The following IL17D variants were observed in gnomAD, a reference collection of about 807,000 sequenced individuals.
IL17D encodes interleukin-17D.
IL17D carries 10 observed loss-of-function variants against 5.7 expected under a neutral mutation model. The observed-to-expected ratio is 1.75, with a 90% CI of 1.08 to 2.97. The LOEUF is 2.97. Ranked by LOEUF, IL17D falls within the 30% of genes most tolerant of loss-of-function variation. The pLI, the probability that IL17D is intolerant of heterozygous loss-of-function variation, is 0.00. For synonymous variants in IL17D, 172 were observed against 141.7 expected (o/e 1.21, Z -1.52); for missense variants, 354 against 292.7 (o/e 1.21, Z -1.53).
chr13:20,718,724 A>C (rs1334000863), intron 1 of IL17D, among the ~76,000 whole-genome samples: 1 of 106,102 alleles, frequency 9.4e-6, no homozygotes, highest in African/African-American at 3.4e-5. Flanking sequence ...GCCCACTTAC[A>C]CACATGGCTA....
rs1761802483 is a variant in IL17D at position 20,722,863 on chromosome 13, A to C, written c.*909A>C. On this transcript the variant is annotated 3_prime_UTR_variant, in exon 2 of 2. Coordinates refer to ENST00000682841, the MANE Select transcript of IL17D (RefSeq NM_001385224.1). ...CGTGACATCTTTGCCAGTTGTCAGA[A>C]GAATCCAAGCAGGTATTGGCTTAGT... is the stretch of plus-strand genomic sequence containing the variant. 1 of 152,368 alleles carries C rather than the reference A, an allele frequency of 6.6e-6. No individual in the cohort carries two copies. The highest frequency in any genetic ancestry group is 3.4e-3 in the Middle Eastern group (1 of 294). 9.4% of individuals were successfully genotyped at this position (152,368 alleles called of 1,614,324 possible).
rs1352020478 is a variant in IL17D at position 20,704,130 on chromosome 13, C to T, written c.129C>T (p.Tyr43=). The T allele has an allele frequency of 6.8e-6, 9 of 1,327,382 alleles. No individual in the cohort carries two copies. The African/African-American group carries it at 1.4e-4, about 21-fold the overall frequency. The allele number at this position is 1,327,382 out of a possible 1,614,324, so 82.2% of individuals were successfully genotyped here. Reference sequence around the variant, plus strand: ...CGGAGGAGCTACTGGAGCAGCTGTACGGGCGCCTGGCGGCCGGCGTGCTCA... The same window carrying T: ...CGGAGGAGCTACTGGAGCAGCTGTATGGGCGCCTGGCGGCCGGCGTGCTCA... ...DRPEELLEQL[Y]GRLAAGVLSA... is the part of the protein sequence containing the mutation. Residue 43 remains tyrosine (Y), a synonymous_variant, in exon 1 of 2, where the codon TAC becomes TAT. Coordinates refer to ENST00000682841, the MANE Select transcript of IL17D (RefSeq NM_001385224.1).
intron 1 of IL17D, among the ~76,000 whole-genome samples, chr13:20,721,113 C>T (rs1292716782): frequency 6.6e-6 from 1 of 152,170 alleles, no homozygotes; most frequent in Admixed American, 6.5e-5. Context: ...AGCTCTTGTC[C>T]TTCACTCCCG....
At chr13:20,705,087 C>T (rs2058580981) in intron 1 of IL17D, among the ~76,000 whole-genome samples, 1 of 151,996 alleles carries the variant, frequency 6.6e-6, no homozygotes, top group South Asian at 2.1e-4. Flanking sequence ...GCCGCAGTGT[C>T]CTCAGCAGGC....
chr13:20,720,233 G>A (rs1357531025), intron 1 of IL17D, among the ~76,000 whole-genome samples: 2 of 152,018 alleles, frequency 1.3e-5, no homozygotes, highest in African/African-American at 2.4e-5. Flanking sequence ...ATGTGCCCCC[G>A]GAGACTATCA....
At chr13:20,709,663 G>A (rs1440238764) in intron 1 of IL17D, among the ~76,000 whole-genome samples, 3 of 150,994 alleles carry the variant, frequency 2.0e-5, no homozygotes, top group African/African-American at 4.9e-5. Context: ...TCTGGAGGCT[G>A]GAGTTGGGGA....
chr13:20,703,786 G>C lies in IL17D; in HGVS notation c.-216G>C, dbSNP rs969260340. 2 of 148,402 alleles carry C rather than the reference G, an allele frequency of 1.3e-5. No homozygotes were observed. The highest frequency in any genetic ancestry group is 4.9e-5 in the African/African-American group (2 of 40,646). The allele number at this position is 148,402 out of a possible 1,614,324, so 9.2% of individuals were successfully genotyped here. A position where few individuals can be genotyped will look rare whatever the true frequency, so the allele number is the denominator to read the frequency against. On this transcript the variant is annotated 5_prime_UTR_variant, in exon 1 of 2. Coordinates refer to ENST00000682841, the MANE Select transcript of IL17D (RefSeq NM_001385224.1). Reference sequence around the variant, plus strand: ...CCGGGGGCGCGCGGGCCGGCGCCGGGCTGGGCCCCGGGGACCCCGCGGGCG... The same window carrying C: ...CCGGGGGCGCGCGGGCCGGCGCCGGCCTGGGCCCCGGGGACCCCGCGGGCG...
chr13:20,713,464 C>T (rs931656833), intron 1 of IL17D: 1 of 152,230 alleles, frequency 6.6e-6, no homozygotes, highest in African/African-American at 2.4e-5. Flanking sequence ...GGCTCTACTG[C>T]ACCTATCACT....
At chr13:20,712,665 G>C (rs2058648580) in intron 1 of IL17D, 1 of 148,086 alleles carries the variant, frequency 6.8e-6, no homozygotes, top group African/African-American at 2.5e-5. Context: ...AAATGTGTGT[G>C]CCGACGCTAA....
In IL17D at chr13:20,704,309, C is replaced by A. The variant is rs1216102955; in HGVS notation, c.290+18C>A. 8.6e-7 allele frequency: 1 copy of A among 1,156,556 alleles called. No individual in the cohort carries two copies. Among genetic ancestry groups the A allele is most frequent in the African/African-American group, 1.7e-5 (1 of 58,906 alleles). The allele number at this position is 1,156,556 out of a possible 1,614,324, so 71.6% of individuals were successfully genotyped here. The stretch of plus-strand genomic sequence containing the variant: ...GCCTACAGGTGAGCCGCGGGCGCGT[C>A]CTGGCGGGGCCCGGCAGGTGGGGAG... On this transcript the variant is annotated intron_variant, in intron 1 of 1. Transcript: ENST00000682841.
intron 1 of IL17D, among the ~76,000 whole-genome samples, chr13:20,715,373 A>G (rs1043150235): frequency 6.6e-6 from 1 of 152,082 alleles, no homozygotes; most frequent in Non-Finnish European, 1.5e-5. Flanking sequence ...GACCTTATGT[A>G]CTCATTAGAG....
chr13:20,718,319 G>A (rs1015558511), intron 1 of IL17D, among the ~76,000 whole-genome samples: 1 of 152,078 alleles, frequency 6.6e-6, no homozygotes, highest in South Asian at 2.1e-4. Flanking sequence ...TGCCGCGTGC[G>A]TGTGAGCACG....
chr13:20,719,173 CG>C (rs1566521542), intron 1 of IL17D, among the ~76,000 whole-genome samples: 7 of 149,584 alleles, frequency 4.7e-5, no homozygotes, highest in Non-Finnish European at 1.5e-5. Context: ...CCATCACGCA[CG>C]CCTGCCTACA....
At position 20,708,976 on chromosome 13, in the gene IL17D, AAAG is replaced by A. The variant is rs1415654941; in HGVS notation, c.290+4688_290+4690del. Among the ~76,000 whole-genome samples the A allele has an allele frequency of 3.0e-3, 436 of 143,916 alleles. 11 individuals carry two copies. Among genetic ancestry groups the A allele is most frequent in the African/African-American group, 0.01 (395 of 39,244 alleles). The allele number at this position is 143,916 out of a possible 152,430, so 94.4% of individuals were successfully genotyped here. On this transcript the variant is annotated intron_variant, in intron 1 of 1. Coordinates refer to ENST00000682841, the MANE Select transcript of IL17D (RefSeq NM_001385224.1). Reference sequence around the variant, plus strand: ...ACTCTGTCTCAAAAAAAAAAAAAAAAAAGAAAGAAAGAAAAGAAAAGGACCAGT... The same window carrying A: ...ACTCTGTCTCAAAAAAAAAAAAAAAAAAAGAAAGAAAAGAAAAGGACCAGT...
At chr13:20,717,274 C>T (rs777161475) in intron 1 of IL17D, 2 of 152,248 alleles carry the variant, frequency 1.3e-5, no homozygotes, top group Non-Finnish European at 2.9e-5. Flanking sequence ...CAAGCTTCTG[C>T]AGAGCAGCAC....
chr13:20,702,926 C>T (rs1435293583), upstream of IL17D: 1 of 152,242 alleles, frequency 6.6e-6, no homozygotes, highest in East Asian at 1.9e-4. Flanking sequence ...TAAGGAGAAT[C>T]CCTCTGGGTT....
chr13:20,719,301 ACACT>A (rs1220390495), intron 1 of IL17D, among the ~76,000 whole-genome samples: 3 of 138,428 alleles, frequency 2.2e-5, no homozygotes, highest in African/African-American at 8.3e-5. Context: ...ACACCTGCCC[ACACT>A]CACACCTGCC....
chr13:20,707,866 G>A (rs1164106793), intron 1 of IL17D, among the ~76,000 whole-genome samples: 1 of 152,128 alleles, frequency 6.6e-6, no homozygotes, highest in African/African-American at 2.4e-5. Context: ...TGGGGCCTGG[G>A]TAGAGGAGTG....
Position 20,721,911 on chromosome 13 carries a change from C to A in IL17D, c.566C>A (p.Ala189Asp). The change falls in exon 2 of 2, where the codon GCC (alanine) becomes GAC (aspartate). Residue 189 changes from alanine to aspartate, a missense_variant. Coordinates refer to ENST00000682841, the MANE Select transcript of IL17D (RefSeq NM_001385224.1). Reference sequence around the variant, plus strand: ...AACTCCAGCATCGACAAACAGGGCGCCAAGCTCCTGCTGGGCCCCAACGAC... The same window carrying A: ...AACTCCAGCATCGACAAACAGGGCGACAAGCTCCTGCTGGGCCCCAACGAC... ...SINSSIDKQG[A>D]KLLLGPNDAP... The A allele has an allele frequency of 6.2e-7, 1 of 1,606,170 alleles. No homozygotes were observed. The highest frequency in any genetic ancestry group is 1.3e-5 in the African/African-American group (1 of 74,960).
Sources: allele counts gnomAD v4.1 joint callset (sites outside exome capture counted in the v4.1 genomes callset), GRCh38; gene constraint gnomAD v4.1.1; transcripts MANE v1.5; gene names NCBI Gene and HGNC (gene_info 2026-07-23, HGNC 2026-07-21).